The following MAGI1 variants were observed in gnomAD, a reference collection of about 807,000 sequenced individuals.
The protein encoded by MAGI1 is membrane associated guanylate kinase, WW and PDZ domain containing 1, also known as membrane-associated guanylate kinase, WW and PDZ domain-containing protein 1.
MAGI1 carries 58 observed loss-of-function variants against 139.9 expected under a neutral mutation model. The observed-to-expected ratio is 0.41, with a 90% CI of 0.34 to 0.52. The LOEUF (loss-of-function observed/expected upper bound fraction) is 0.52. Among genes scored for constraint, MAGI1 ranks in the 20% least tolerant of loss-of-function variants. MAGI1 has a pLI of 0.12. For synonymous variants in MAGI1, 812 were observed against 737.9 expected (o/e 1.10, Z -1.63); for missense variants, 1,874 against 1,901.6 (o/e 0.99, Z 0.27).
chr3:65,583,394 C>G (rs2081529937), intron 2 of MAGI1, among the ~76,000 whole-genome samples: 2 of 152,162 alleles, frequency 1.3e-5, no homozygotes, highest in South Asian at 4.1e-4. Flanking sequence ...TGGGAGAGGG[C>G]TGCTAACCAG....
intron 14 of MAGI1, chr3:65,387,129 CA>C (rs1464907714): frequency 2.5e-6 from 4 of 1,610,012 alleles, no homozygotes; most frequent in Non-Finnish European, 2.6e-6. Context: ...CAAAAGTTTT[CA>C]GCGGATCCTT....
chr3:65,705,923 C>G (rs1189639777), intron 1 of MAGI1, among the ~76,000 whole-genome samples: 2 of 152,164 alleles, frequency 1.3e-5, no homozygotes, highest in African/African-American at 2.4e-5. Flanking sequence ...AGATATATTT[C>G]CTTATCTGCA....
intron 1 of MAGI1, among the ~76,000 whole-genome samples, chr3:65,969,506 C>T (rs1272255852): frequency 6.6e-6 from 1 of 152,202 alleles, no homozygotes; most frequent in African/African-American, 2.4e-5. Flanking sequence ...AGAAACTGAA[C>T]TGCTTGCTCA....
At chr3:65,743,807 CAT>C (rs1559840907) in intron 1 of MAGI1, among the ~76,000 whole-genome samples, 1 of 151,876 alleles carries the variant, frequency 6.6e-6, no homozygotes, top group East Asian at 1.9e-4. Context: ...ATATTTAACA[CAT>C]ATTCATTTTT....
intron 2 of MAGI1, among the ~76,000 whole-genome samples, chr3:65,615,920 T>C (rs2083346875): frequency 6.6e-6 from 1 of 152,184 alleles, no homozygotes. Flanking sequence ...GCCCTTGACA[T>C]GGGCAATCTT....
chr3:65,895,849 A>G (rs2060946661), intron 1 of MAGI1, among the ~76,000 whole-genome samples: 1 of 152,258 alleles, frequency 6.6e-6, no homozygotes, highest in Non-Finnish European at 1.5e-5. Context: ...ATCCAAAAGA[A>G]TATTCAACTA....
intron 2 of MAGI1, among the ~76,000 whole-genome samples, chr3:65,556,327 T>C (rs553114835): frequency 6.6e-6 from 1 of 152,360 alleles, no homozygotes; most frequent in East Asian, 1.9e-4. Context: ...AACATGCTTT[T>C]GTCGCTTAGA....
intron 2 of MAGI1, among the ~76,000 whole-genome samples, chr3:65,519,672 C>A (rs887463466): frequency 2.0e-5 from 3 of 152,174 alleles, no homozygotes; most frequent in Non-Finnish European, 4.4e-5. Flanking sequence ...GCATGAGCCA[C>A]CTCACCTGGC....
intron 1 of MAGI1, among the ~76,000 whole-genome samples, chr3:65,629,039 A>T (rs1224543582): frequency 3.9e-5 from 6 of 152,152 alleles, no homozygotes; most frequent in African/African-American, 1.4e-4. Flanking sequence ...TAAACATGAA[A>T]TGATCCCCTA....
At chr3:65,359,255 A>G in intron 22 of MAGI1, 1 of 1,547,740 alleles carries the variant, frequency 6.5e-7, no homozygotes, top group Non-Finnish European at 8.7e-7. Context: ...AGAGGAAAGA[A>G]AAAAAATCTA....
Position 65,707,391 on chromosome 3 carries a change from C to G in MAGI1, c.314-85303G>C, listed in dbSNP as rs974700955. Reference sequence around the variant, plus strand: ...CTTTGGACGTGCAGCCTCGCCTCCCCGAGTGCCAGGGCAACCGGCCTGAGC... The same window carrying G: ...CTTTGGACGTGCAGCCTCGCCTCCCGGAGTGCCAGGGCAACCGGCCTGAGC... On this transcript the variant is annotated intron_variant, in intron 1 of 22. Coordinates refer to ENST00000402939, the MANE Select transcript of MAGI1 (RefSeq NM_001033057.2). Among the ~76,000 whole-genome samples the G allele has an allele frequency of 3.3e-5, 5 of 152,164 alleles. No homozygotes were observed. In the East Asian group the frequency reaches 9.6e-4, roughly 29 times the overall value.
intron 2 of MAGI1, among the ~76,000 whole-genome samples, chr3:65,549,975 A>C (rs1294416743): frequency 6.6e-6 from 1 of 152,158 alleles, no homozygotes; most frequent in African/African-American, 2.4e-5. Flanking sequence ...ATGAGCCAAA[A>C]AATTCTCTTC....
chr3:65,723,109 G>A (rs890131032), intron 1 of MAGI1, among the ~76,000 whole-genome samples: 4 of 152,122 alleles, frequency 2.6e-5, no homozygotes, highest in Admixed American at 6.6e-5. Flanking sequence ...TCAGGAAGGC[G>A]CAATGGAGAA....
intron 1 of MAGI1, among the ~76,000 whole-genome samples, chr3:65,678,922 T>C (rs184612183): frequency 2.0e-5 from 3 of 152,338 alleles, no homozygotes; most frequent in East Asian, 1.9e-4. Context: ...TCTATCCGCA[T>C]TGACACCCAA....
At chr3:65,943,664 T>A (rs1289566489) in intron 1 of MAGI1, among the ~76,000 whole-genome samples, 1 of 152,090 alleles carries the variant, frequency 6.6e-6, no homozygotes, top group Admixed American at 6.6e-5. Flanking sequence ...TGTATATATA[T>A]ATGTGTGTAT....
intron 1 of MAGI1, among the ~76,000 whole-genome samples, chr3:65,916,353 G>A (rs188524471): frequency 2.7e-4 from 41 of 152,204 alleles, no homozygotes; most frequent in African/African-American, 9.6e-4. Context: ...CATGCTGCTT[G>A]ATAAAGACAT....
chr3:65,492,844 C>T (rs540917716), intron 3 of MAGI1, among the ~76,000 whole-genome samples: 9 of 151,920 alleles, frequency 5.9e-5, no homozygotes, highest in Non-Finnish European at 1.0e-4. Context: ...TTTGGGAGGC[C>T]AAGGCGGGCG....
At chr3:65,704,131 C>A (rs1293386516) in intron 1 of MAGI1, among the ~76,000 whole-genome samples, 1 of 152,186 alleles carries the variant, frequency 6.6e-6, no homozygotes, top group African/African-American at 2.4e-5. Context: ...CTAATCCTCA[C>A]AGGAAAAGAC....
At chr3:65,516,371 G>T (rs1160987085) in intron 2 of MAGI1, among the ~76,000 whole-genome samples, 7 of 152,008 alleles carry the variant, frequency 4.6e-5, no homozygotes, top group Admixed American at 6.5e-5. Flanking sequence ...GTAGAGATAG[G>T]GTTTCACCAT....
Sources: gnomAD v4.1 joint callset for allele counts (sites outside exome capture counted in the v4.1 genomes callset) on GRCh38, gnomAD v4.1.1 for gene constraint, MANE v1.5 for transcripts, NCBI Gene and HGNC (gene_info 2026-07-23, HGNC 2026-07-21) for gene names.